Variants in ROBO1 observed in about 807,000 individuals in gnomAD.
The protein encoded by ROBO1 is roundabout homolog 1.
Under a neutral mutation model 195.9 loss-of-function variants are expected in ROBO1, and 149 were observed. That is an observed-to-expected ratio of 0.76 (90% CI 0.67 to 0.87). The LOEUF is 0.87. ROBO1 is among the 40% of genes least tolerant of loss of function. The pLI, the probability that ROBO1 is intolerant of heterozygous loss-of-function variation, is 0.00. For synonymous variants in ROBO1, 816 were observed against 733.2 expected, an observed-to-expected ratio of 1.11 and a Z score of -1.82; for missense variants, 1,933 against 2,068.3, an observed-to-expected ratio of 0.93 and a Z score of 1.27.
chr3:78,775,404 A>T (rs1331637776), intron 4 of ROBO1, among the ~76,000 whole-genome samples: 2 of 152,236 alleles, frequency 1.3e-5, no homozygotes, highest in Non-Finnish European at 2.9e-5. Flanking sequence ...TCTATTAAAT[A>T]TATTTCTAGT....
rs10608986 is a variant in ROBO1, at chr3:78,626,756, TACACACAC to T, written c.3875+557_3875+564del. Among the ~76,000 whole-genome samples the T allele has an allele frequency of 2.4e-3, 349 of 146,540 alleles. 2 individuals carry two copies. The highest frequency in any genetic ancestry group is 7.0e-3 in the African/African-American group (285 of 40,472). Reference sequence around the variant, plus strand: ...GTCTAAGCACACACAAGCACACACATACACACACACACACACACACACACACACTATAT... The same window carrying T: ...GTCTAAGCACACACAAGCACACACATACACACACACACACACACACTATAT... On this transcript the variant is annotated intron_variant, in intron 26 of 30. Transcript: ENST00000464233.
At chr3:79,133,700 C>T (rs377723750) in intron 2 of ROBO1, among the ~76,000 whole-genome samples, 2,989 of 108,188 alleles carry the variant, frequency 0.028, 58 homozygotes, top group Middle Eastern at 0.057. Flanking sequence ...AATCATTCTC[C>T]ATCCAGCTTT....
chr3:79,050,621 G>A (rs780495454), intron 3 of ROBO1, among the ~76,000 whole-genome samples: 6 of 152,040 alleles, frequency 3.9e-5, no homozygotes, highest in East Asian at 1.9e-4. Context: ...TCTCAGCACC[G>A]TATGGCACTT....
intron 1 of ROBO1, among the ~76,000 whole-genome samples, chr3:79,764,948 C>T (rs936000836): frequency 7.2e-5 from 11 of 152,180 alleles, no homozygotes; most frequent in Admixed American, 6.5e-4. Flanking sequence ...CTCTCCCCTC[C>T]TCCCATGCTC....
In ROBO1 at chr3:78,805,774, G is replaced by T. The variant is rs922129346; in HGVS notation, c.500-58874C>A. ...ATATACTCTAGATATAGCATATTTA[G>T]ATCTATTAGTTAGTATATAATACAA... is the stretch of plus-strand genomic sequence containing the variant. On this transcript the variant is annotated intron_variant, in intron 4 of 30. Coordinates refer to ENST00000464233, the MANE Select transcript of ROBO1 (RefSeq NM_002941.4). Among the ~76,000 whole-genome samples the T allele has an allele frequency of 2.6e-5, 4 of 152,036 alleles. No individual in the cohort carries two copies. In the South Asian group the frequency reaches 8.3e-4, roughly 32 times the overall value.
At chr3:79,618,753 C>A (rs1310040424) in intron 1 of ROBO1, among the ~76,000 whole-genome samples, 1 of 152,128 alleles carries the variant, frequency 6.6e-6, no homozygotes, top group Non-Finnish European at 1.5e-5. Flanking sequence ...ATGAGGAGAT[C>A]CACCTACGAC....
chr3:79,485,681 C>G (rs185932876), intron 2 of ROBO1, among the ~76,000 whole-genome samples: 1 of 152,100 alleles, frequency 6.6e-6, no homozygotes, highest in Non-Finnish European at 1.5e-5. Flanking sequence ...TTTGCAGATA[C>G]AGAAAGTAAG....
chr3:79,640,279 A>G lies in ROBO1; in HGVS notation c.-50-50318T>C, dbSNP rs965176327. Among the ~76,000 whole-genome samples, 30 of 152,160 alleles carry G rather than the reference A, an allele frequency of 2.0e-4. 1 individual carries two copies. In the Middle Eastern group the frequency reaches 0.014, roughly 70 times the overall value. ...CATTTTTGAGTGTAATAATTATGAC[A>G]TTAGCTTAAAATATTAAATTTTAAT... On this transcript the variant is annotated intron_variant, in intron 1 of 30. Transcript: ENST00000464233.
At chr3:79,138,595 C>T (rs988941186) in intron 2 of ROBO1, among the ~76,000 whole-genome samples, 1 of 151,728 alleles carries the variant, frequency 6.6e-6, no homozygotes, top group Non-Finnish European at 1.5e-5. Context: ...GAAATAGAAT[C>T]TTATTTAACT....
intron 2 of ROBO1, among the ~76,000 whole-genome samples, chr3:79,191,172 C>T (rs2081532976): frequency 6.6e-6 from 1 of 151,454 alleles, no homozygotes; most frequent in Non-Finnish European, 1.5e-5. Flanking sequence ...AGATTTATTG[C>T]TCTTTTCCTG....
chr3:79,456,316 C>T (rs911537152), intron 2 of ROBO1, among the ~76,000 whole-genome samples: 1 of 152,082 alleles, frequency 6.6e-6, no homozygotes, highest in African/African-American at 2.4e-5. Flanking sequence ...GCAGTATGTT[C>T]ACCTAACATC....
intron 28 of ROBO1, among the ~76,000 whole-genome samples, chr3:78,612,848 G>A (rs192562822): frequency 2.0e-5 from 3 of 152,180 alleles, no homozygotes; most frequent in Admixed American, 2.0e-4. Flanking sequence ...AATCACTTTT[G>A]CGGAATGAGC....
At chr3:78,607,241 C>A in intron 28 of ROBO1, 200 bp from the exon 29 acceptor site, 4 of 572,274 alleles carry the variant, frequency 7.0e-6, no homozygotes, top group Non-Finnish European at 1.2e-5. Flanking sequence ...GAGACAGGGT[C>A]TTACTCTGTC....
At chr3:78,784,767 C>T (rs571805953) in intron 4 of ROBO1, among the ~76,000 whole-genome samples, 23 of 152,278 alleles carry the variant, frequency 1.5e-4, no homozygotes, top group African/African-American at 5.5e-4. Context: ...GTTATGTCTT[C>T]ATTCTTTAAT....
chr3:78,669,977 T>G, intron 11 of ROBO1, 119 bp downstream of exon 11: 1 of 679,402 alleles, frequency 1.5e-6, no homozygotes, highest in Non-Finnish European at 2.4e-6. Context: ...ATTAAAAATA[T>G]ATTACTACTC....
At position 78,884,611 on chromosome 3, in the gene ROBO1, G is replaced by GAA. The variant is rs1186010570; in HGVS notation, c.499+53989_499+53990insTT. Among the ~76,000 whole-genome samples, 456 of 125,288 alleles carry GAA rather than the reference G, an allele frequency of 3.6e-3. 1 individual carries two copies. Among genetic ancestry groups the GAA allele is most frequent in the Non-Finnish European group, 5.4e-3 (341 of 62,738 alleles). The allele number at this position is 125,288 out of a possible 152,430, so 82.2% of individuals were successfully genotyped here. A position where few individuals can be genotyped will look rare whatever the true frequency, so the allele number is the denominator to read the frequency against. On this transcript the variant is annotated intron_variant, in intron 4 of 30. Transcript: ENST00000464233. Reference sequence around the variant, plus strand: ...GGAGAAAGAAAGAAAGAGAGAAAGAGAGAAAGAAAGAGAGAAAGAAAGAGA... The same window carrying GAA: ...GGAGAAAGAAAGAAAGAGAGAAAGAGAAAGAAAGAAAGAGAGAAAGAAAGAGA...
rs112201142 is a variant in ROBO1, at chr3:78,987,485, G to C, written c.173-48558C>G. 3.8e-3 allele frequency among the ~76,000 whole-genome samples: 571 copies of C among 152,176 alleles called. 8 individuals are homozygous for C. Among genetic ancestry groups the C allele is most frequent in the African/African-American group, 0.013 (532 of 41,508 alleles). On this transcript the variant is annotated intron_variant, in intron 3 of 30. Transcript: ENST00000464233. ...ATCCTGTGCTTTCTGAGGGAGACTA[G>C]CCATCCTTCCTTTAGGCAGATATTT...
chr3:79,439,413 G>A (rs1311921254), intron 2 of ROBO1, among the ~76,000 whole-genome samples: 1 of 151,982 alleles, frequency 6.6e-6, no homozygotes, highest in Non-Finnish European at 1.5e-5. Flanking sequence ...CAAGACAAAA[G>A]TAATTTAAAT....
At chr3:79,381,547 T>C (rs2036576774) in intron 2 of ROBO1, among the ~76,000 whole-genome samples, 1 of 152,060 alleles carries the variant, frequency 6.6e-6, no homozygotes, top group Non-Finnish European at 1.5e-5. Context: ...TAAACTGTTG[T>C]AACTTATTCC....
Sources: gnomAD v4.1 joint callset for allele counts (sites outside exome capture counted in the v4.1 genomes callset) on GRCh38, gnomAD v4.1.1 for gene constraint, MANE v1.5 for transcripts, NCBI Gene and HGNC (gene_info 2026-07-23, HGNC 2026-07-21) for gene names.